The following CNTNAP3B variants were observed in gnomAD, a reference collection of about 807,000 sequenced individuals.
The protein encoded by CNTNAP3B is contactin associated protein family member 3B, also known as contactin-associated protein-like 3B.
A neutral mutation model predicts 108.9 loss-of-function variants in CNTNAP3B; 25 were observed. The observed-to-expected ratio is 0.23, with a 90% confidence interval of 0.17 to 0.32. CNTNAP3B has a LOEUF of 0.32. CNTNAP3B is among the 10% of genes least tolerant of loss of function. The pLI is 1.00. For synonymous variants in CNTNAP3B, 103 were observed against 473.4 expected, an observed-to-expected ratio of 0.22 and a Z score of 10.16; for missense variants, 252 against 1,210.4, an observed-to-expected ratio of 0.21 and a Z score of 11.75.
chr9:41,930,461 TG>T (rs1823945100), intron 14 of CNTNAP3B, among the ~76,000 whole-genome samples: 1 of 152,288 alleles, frequency 6.6e-6, no homozygotes, highest in East Asian at 1.9e-4. Context: ...GAGGATCCCT[TG>T]AGCCTGGGAG....
intron 2 of CNTNAP3B, among the ~76,000 whole-genome samples, chr9:42,098,513 G>A (rs1335371392): frequency 1.1e-4 from 11 of 98,974 alleles, no homozygotes; most frequent in Admixed American, 8.4e-4. Flanking sequence ...AACCTGGGAG[G>A]TGGAGCTTGC....
At chr9:41,933,904 ATACT>A (rs1824056997) in intron 14 of CNTNAP3B, among the ~76,000 whole-genome samples, 1 of 152,318 alleles carries the variant, frequency 6.6e-6, no homozygotes, top group South Asian at 2.1e-4. Context: ...AAAATTTTTT[ATACT>A]TATTCAACAA....
chr9:41,944,018 G>C (rs1320546688), intron 13 of CNTNAP3B, among the ~76,000 whole-genome samples: 4 of 152,172 alleles, frequency 2.6e-5, no homozygotes, highest in Non-Finnish European at 2.9e-5. Context: ...AACCATGCAA[G>C]CAAGAAGAAA....
In CNTNAP3B at chr9:41,955,875, G is replaced by A. The variant is rs531716904; in HGVS notation, c.1877-2489C>T. On this transcript the variant is annotated intron_variant, in intron 12 of 23. Coordinates refer to ENST00000377561, the MANE Select transcript of CNTNAP3B (RefSeq NM_001201380.3). Reference sequence around the variant, plus strand: ...CAGATGTTCCTCAATTTATGATGAAGTTGCATCTGGATGAACTTATTATAA... The same window carrying A: ...CAGATGTTCCTCAATTTATGATGAAATTGCATCTGGATGAACTTATTATAA... Among the ~76,000 whole-genome samples, 3 of 152,364 alleles carry A rather than the reference G, an allele frequency of 2.0e-5. No homozygotes were observed. In the South Asian group the frequency reaches 6.2e-4, roughly 32 times the overall value.
At position 41,948,575 on chromosome 9, in the gene CNTNAP3B, A is replaced by T. The variant is rs867861752; in HGVS notation, c.2080+4608T>A. ...CATATCAATATCTCTTATGAATTTG[A>T]ATGCAAAAATATTCAATAAAATATT... On this transcript the variant is annotated intron_variant, in intron 13 of 23. Coordinates refer to ENST00000377561, the MANE Select transcript of CNTNAP3B (RefSeq NM_001201380.3). Among the ~76,000 whole-genome samples, 7 of 151,568 alleles carry T rather than the reference A, an allele frequency of 4.6e-5. No homozygotes were observed. The Middle Eastern group carries it at 0.01, about 222-fold the overall frequency.
chr9:42,111,373 T>G (rs1048761741), intron 1 of CNTNAP3B, among the ~76,000 whole-genome samples: 2 of 138,988 alleles, frequency 1.4e-5, no homozygotes, highest in African/African-American at 2.9e-5. Flanking sequence ...CCTGTGAAGC[T>G]TATCCTACTG....
intron 1 of CNTNAP3B, among the ~76,000 whole-genome samples, chr9:42,109,449 A>T (rs1828145467): frequency 6.8e-6 from 1 of 146,924 alleles, no homozygotes. Context: ...AATGAAAAAA[A>T]AAAAGAATGC....
chr9:41,922,091 C>A (rs1823684745), intron 17 of CNTNAP3B, among the ~76,000 whole-genome samples: 1 of 141,648 alleles, frequency 7.1e-6, no homozygotes. Context: ...GGATCTCTCT[C>A]ATTAGCTGGT....
At chr9:41,963,026 C>T (rs879493193) in intron 11 of CNTNAP3B, among the ~76,000 whole-genome samples, 6 of 152,190 alleles carry the variant, frequency 3.9e-5, no homozygotes, top group African/African-American at 9.7e-5. Context: ...CCTTCTAGTA[C>T]AAAAATCATA....
At chr9:42,071,351 G>T (rs1827376000) in intron 3 of CNTNAP3B, among the ~76,000 whole-genome samples, 1 of 142,666 alleles carries the variant, frequency 7.0e-6, no homozygotes, top group Non-Finnish European at 1.5e-5. Flanking sequence ...TGCTATAGGG[G>T]AAAATTTCAG....
intron 11 of CNTNAP3B, among the ~76,000 whole-genome samples, chr9:41,964,278 T>C (rs1278009587): frequency 6.6e-6 from 1 of 152,040 alleles, no homozygotes; most frequent in Non-Finnish European, 1.5e-5. Flanking sequence ...CCTTTTACTA[T>C]ATCTGATTCT....
chr9:41,943,228 G>C (rs560049357), intron 13 of CNTNAP3B, among the ~76,000 whole-genome samples: 1 of 152,410 alleles, frequency 6.6e-6, no homozygotes, highest in African/African-American at 2.4e-5. Flanking sequence ...TGGGAAGACT[G>C]GGAAGTGCTG....
At chr9:42,087,417 C>T (rs1387382228) in intron 2 of CNTNAP3B, among the ~76,000 whole-genome samples, 1 of 123,490 alleles carries the variant, frequency 8.1e-6, no homozygotes, top group Non-Finnish European at 1.7e-5. Context: ...CATTTTCTTC[C>T]ACACAAAGAG....
At chr9:41,915,913 G>A (rs1019849357) in intron 18 of CNTNAP3B, among the ~76,000 whole-genome samples, 6 of 150,906 alleles carry the variant, frequency 4.0e-5, no homozygotes, top group South Asian at 2.1e-4. Flanking sequence ...CTCTAAGCTT[G>A]CATTATATAT....
At position 42,126,566 on chromosome 9, in the gene CNTNAP3B, GCTTT is replaced by G. The variant is rs983034837; in HGVS notation, c.85+2440_85+2443del. Among the ~76,000 whole-genome samples, 9 of 135,678 alleles carry G rather than the reference GCTTT, an allele frequency of 6.6e-5. 2 individuals carry two copies. Among genetic ancestry groups the G allele is most frequent in the African/African-American group, 2.7e-4 (9 of 33,580 alleles). The allele number at this position is 135,678 out of a possible 152,430, so 89.0% of individuals were successfully genotyped here. On this transcript the variant is annotated intron_variant, in intron 1 of 23. Transcript: ENST00000377561. ...CCCCAAAATGCCAAATGTTTAGAGA[GCTTT>G]TTTTTTTTTGAGACGGAGTTTTGCG...
chr9:41,977,564 A>T (rs1825543203), intron 9 of CNTNAP3B, among the ~76,000 whole-genome samples: 1 of 141,392 alleles, frequency 7.1e-6, no homozygotes, highest in Admixed American at 7.0e-5. Flanking sequence ...GTTAGAGTTT[A>T]GAAAATGAGT....
intron 11 of CNTNAP3B, among the ~76,000 whole-genome samples, chr9:41,961,369 T>C (rs1825085801): frequency 6.6e-6 from 1 of 152,306 alleles, no homozygotes; most frequent in African/African-American, 2.4e-5. Flanking sequence ...CTTGAAGAGA[T>C]ACGAGAGGAA....
intron 3 of CNTNAP3B, among the ~76,000 whole-genome samples, chr9:42,046,760 A>T (rs1826881786): frequency 1.0e-5 from 1 of 97,374 alleles, no homozygotes; most frequent in Admixed American, 1.0e-4. Flanking sequence ...AAGGGAAATT[A>T]GATTGAAAAA....
At chr9:42,079,183 G>A (rs1352763091) in intron 2 of CNTNAP3B, among the ~76,000 whole-genome samples, 1 of 110,236 alleles carries the variant, frequency 9.1e-6, no homozygotes, top group African/African-American at 3.7e-5. Flanking sequence ...TCAAATAAAT[G>A]TAACAAAGAT....
Sources: allele counts gnomAD v4.1 joint callset (sites outside exome capture counted in the v4.1 genomes callset), GRCh38; gene constraint gnomAD v4.1.1; transcripts MANE v1.5; gene names NCBI Gene and HGNC (gene_info 2026-07-23, HGNC 2026-07-21).